Variants in CA5B observed in about 807,000 individuals in gnomAD.
The protein encoded by CA5B is carbonic anhydrase 5B, mitochondrial.
In CA5B, 15 loss-of-function variants were observed where a neutral mutation model predicts 23.1. The observed-to-expected ratio is 0.65, with a 90% CI of 0.43 to 1.00. CA5B has a LOEUF of 1.00. Ranked by LOEUF, CA5B falls within the 50% of genes least tolerant of loss-of-function variation. The pLI, the probability that CA5B is intolerant of heterozygous loss-of-function variation, is 0.00. For synonymous variants in CA5B, 84 were observed against 98.5 expected (o/e 0.85, Z 0.87); for missense variants, 236 against 252.2 (o/e 0.94, Z 0.43).
intron 1 of CA5B, among the ~76,000 whole-genome samples, chrX:15,739,124 C>T (rs1340989642): frequency 8.9e-6 from 1 of 112,295 alleles, no homozygotes. Context: ...GCCCTTCCCT[C>T]CTGTGTATTT....
intron 1 of CA5B, among the ~76,000 whole-genome samples, chrX:15,749,152 G>GT (rs750810545): frequency 0.021 from 2,315 of 111,067 alleles, 56 homozygotes; most frequent in African/African-American, 0.071. Flanking sequence ...AAGAAGAATT[G>GT]ATTTTTTTTT....
In CA5B at chrX:15,750,142, C is replaced by T; in HGVS notation, c.119C>T (p.Thr40Ile). 8.3e-7 allele frequency: 1 copy of T among 1,210,354 alleles called. No individual in the cohort carries two copies. The highest frequency in any genetic ancestry group is 1.1e-6 in the Non-Finnish European group (1 of 894,559). The part of the protein sequence containing the change: ...PARPCSLYTC[T>I]YKTRNRALHP... ...AGGCCCTGCAGCCTCTATACTTGTA[C>T]TTACAAAACCCGGAACCGAGCCTGT... The change falls in exon 2 of 8, where the codon ACT becomes ATT. Residue 40 changes from threonine to isoleucine, a missense_variant. Around this residue, in one of 3 missense-constraint regions of CA5B, gnomAD observed 54 missense variants for 46.6 expected, o/e 1.16. Transcript: ENST00000318636.
intron 1 of CA5B, among the ~76,000 whole-genome samples, chrX:15,746,525 C>T (rs1016489596): frequency 5.4e-5 from 6 of 111,749 alleles, no homozygotes; most frequent in African/African-American, 1.3e-4. Flanking sequence ...GCATTGTAAC[C>T]GCCCAGTGGG....
At chrX:15,764,357 G>C (rs898668842) in intron 2 of CA5B, among the ~76,000 whole-genome samples, 1 of 109,528 alleles carries the variant, frequency 9.1e-6, no homozygotes, top group African/African-American at 3.3e-5. Context: ...TCCCACTTTA[G>C]CTTCCCCGGT....
intron 6 of CA5B, 39 bp from the exon 7 acceptor site, chrX:15,776,675 C>G: frequency 8.7e-7 from 1 of 1,143,981 alleles, no homozygotes. Context: ...GTGGTTTTCA[C>G]TACTAAATAA....
intron 2 of CA5B, among the ~76,000 whole-genome samples, chrX:15,751,036 G>A (rs928167006): frequency 2.7e-5 from 3 of 112,175 alleles, no homozygotes; most frequent in African/African-American, 3.2e-5. Context: ...CCTAGAGAGG[G>A]CAGTTGAGAG....
Position 15,787,766 on chromosome X carries a change from A to G in CA5B, c.*5102A>G, listed in dbSNP as rs764947235. ...CAAGAGTTCGAGAACAGCCTGGCCA[A>G]TATGGTGAAACCCCGTCTCTACTAA... On this transcript the variant is annotated 3_prime_UTR_variant, in exon 8 of 8. Transcript: ENST00000318636. 1.7e-4 allele frequency: 19 copies of G among 112,053 alleles called. No individual in the cohort carries two copies. The highest frequency in any genetic ancestry group is 5.5e-4 in the African/African-American group (17 of 30,852). The allele number at this position is 112,053 out of a possible 1,213,427, so 9.2% of individuals were successfully genotyped here.
chrX:15,739,305 C>T (rs917211243), intron 1 of CA5B, among the ~76,000 whole-genome samples: 1 of 111,796 alleles, frequency 8.9e-6, no homozygotes, highest in Non-Finnish European at 1.9e-5. Context: ...AGTATGGAGA[C>T]AAGTAGTGCT....
chrX:15,748,790 T>C (rs1448982362), intron 1 of CA5B, among the ~76,000 whole-genome samples: 3 of 97,988 alleles, frequency 3.1e-5, no homozygotes, highest in African/African-American at 1.2e-4. Context: ...GGCTCACACC[T>C]GTAATCCCAG....
At chrX:15,749,066 C>T (rs1931302320) in intron 1 of CA5B, among the ~76,000 whole-genome samples, 1 of 111,917 alleles carries the variant, frequency 8.9e-6, no homozygotes, top group Non-Finnish European at 1.9e-5. Context: ...AAAGGATGTC[C>T]TGAACATCTG....
chrX:15,775,039 C>A (rs1295132671), intron 5 of CA5B, among the ~76,000 whole-genome samples: 1 of 112,539 alleles, frequency 8.9e-6, no homozygotes, highest in Non-Finnish European at 1.9e-5. Flanking sequence ...GGCATGCTGA[C>A]CTTGTCAGCA....
chrX:15,774,939 T>C (rs1167308653), intron 5 of CA5B, among the ~76,000 whole-genome samples: 1 of 112,758 alleles, frequency 8.9e-6, no homozygotes, highest in Non-Finnish European at 1.9e-5. Context: ...TTGAAATGTG[T>C]CTACTGCAGT....
chrX:15,748,708 A>AACCCCCCCC (rs1931288758), intron 1 of CA5B, among the ~76,000 whole-genome samples: 1 of 58,290 alleles, frequency 1.7e-5, no homozygotes, highest in African/African-American at 7.6e-5. Context: ...TATAGTGAGA[A>AACCCCCCCC]CCCCCCCCCC....
At chrX:15,774,426 G>A (rs372530586) in intron 5 of CA5B, 29 bp downstream of exon 5, 34 of 833,873 alleles carry the variant, frequency 4.1e-5, no homozygotes, top group Non-Finnish European at 5.2e-5. Flanking sequence ...TTTAAATGAC[G>A]TGTTGTATTC....
At chrX:15,755,926 G>T (rs1041368993) in intron 2 of CA5B, among the ~76,000 whole-genome samples, 1 of 112,119 alleles carries the variant, frequency 8.9e-6, no homozygotes, top group African/African-American at 3.2e-5. Flanking sequence ...ATGAATATAA[G>T]AATTATAAAT....
chrX:15,766,377 T>G (rs1309096951), intron 3 of CA5B, among the ~76,000 whole-genome samples: 2 of 110,541 alleles, frequency 1.8e-5, no homozygotes, highest in Non-Finnish European at 3.8e-5. Context: ...CAGAAGGTAT[T>G]TGAGTCTGTC....
intron 2 of CA5B, among the ~76,000 whole-genome samples, chrX:15,759,169 A>C (rs187144657): frequency 9.0e-6 from 1 of 111,565 alleles, no homozygotes; most frequent in Non-Finnish European, 1.9e-5. Context: ...GCACGAAGAA[A>C]GGGACTAAGG....
intron 7 of CA5B, among the ~76,000 whole-genome samples, chrX:15,777,677 A>G (rs939357270): frequency 8.9e-6 from 1 of 112,574 alleles, no homozygotes; most frequent in Admixed American, 9.4e-5. Flanking sequence ...TAAGAATGAT[A>G]TTAATGTAAT....
chrX:15,746,083 GCT>G (rs1931227494), intron 1 of CA5B, among the ~76,000 whole-genome samples: 1 of 92,009 alleles, frequency 1.1e-5, no homozygotes, highest in Non-Finnish European at 2.1e-5. Flanking sequence ...TGTCACTCAG[GCT>G]GGAGTGCAGT....
Sources: allele counts gnomAD v4.1 joint callset (sites outside exome capture counted in the v4.1 genomes callset), GRCh38; gene constraint gnomAD v4.1.1; regional missense constraint gnomAD v4.1.1; transcripts MANE v1.5; gene names NCBI Gene and HGNC (gene_info 2026-07-23, HGNC 2026-07-21).